TRIM45: variants seen among roughly 807,000 people sequenced by gnomAD.
TRIM45 encodes the protein tripartite motif containing 45.
A neutral mutation model predicts 46.7 loss-of-function variants in TRIM45; 45 were observed. The ratio of observed to expected loss-of-function variants is 0.96; its 90% CI spans 0.76 to 1.24. TRIM45 has a LOEUF of 1.24. Ranked by LOEUF, TRIM45 falls within the 50% of genes most tolerant of loss-of-function variation. TRIM45 has a pLI of 0.00. For synonymous variants in TRIM45, 259 were observed against 285.8 expected (o/e 0.91, Z 0.94); for missense variants, 680 against 728.4 (o/e 0.93, Z 0.77).
In TRIM45 at chr1:117,121,086, G is replaced by A; in HGVS notation, c.116C>T (p.Pro39Leu). Residue 39 changes from proline (P) to leucine (L), a missense_variant, in exon 1 of 6, where the codon CCC becomes CTC. This residue lies in a region of TRIM45 where 349 missense variants were observed against 343.6 expected (regional missense o/e 1.02). Coordinates refer to ENST00000256649, the MANE Select transcript of TRIM45 (RefSeq NM_025188.4). This position sits in a 1 kb window ranked among gnomAD's most constrained non-coding sequence, Gnocchi z 4.2. Reference sequence around the variant, plus strand: ...TGTATGCAAACAAGGCAAGAGCCTGGGGGCTTTGAAAAGCCCCAAGCACAG... The same window carrying A: ...TGTATGCAAACAAGGCAAGAGCCTGAGGGCTTTGAAAAGCCCCAAGCACAG... ...CPLCLGLFKA[P>L]RLLPCLHTVC... The A allele has an allele frequency of 6.2e-7, 1 of 1,613,986 alleles. No individual in the cohort carries two copies. The highest frequency in any genetic ancestry group is 1.1e-5 in the South Asian group (1 of 91,074).
upstream of TRIM45, among the ~76,000 whole-genome samples, chr1:117,123,895 C>T (rs1011558933): frequency 1.3e-5 from 2 of 152,058 alleles, no homozygotes; most frequent in Admixed American, 6.5e-5. Flanking sequence ...CCTCCCAAAG[C>T]GCTGGGATTA....
In TRIM45 at chr1:117,117,678, G is replaced by A. The variant is rs975978642; in HGVS notation, c.1222+356C>T. Among the ~76,000 whole-genome samples, 1 of 152,144 alleles carries A rather than the reference G, an allele frequency of 6.6e-6. No individual in the cohort carries two copies. The highest frequency in any genetic ancestry group is 1.5e-5 in the Non-Finnish European group (1 of 68,030). Reference sequence around the variant, plus strand: ...GATCTAGGAATCCAGGGCCTGCCATGCTCCTCTCTGAGCAGGCAGAATTTC... The same window carrying A: ...GATCTAGGAATCCAGGGCCTGCCATACTCCTCTCTGAGCAGGCAGAATTTC... On this transcript the variant is annotated intron_variant, in intron 2 of 5. Transcript: ENST00000256649. This position sits in a 1 kb window ranked among gnomAD's most constrained non-coding sequence, Gnocchi z 4.9.
chr1:117,122,016 C>T (rs932183184), upstream of TRIM45: 10 of 546,460 alleles, frequency 1.8e-5, no homozygotes, highest in Non-Finnish European at 2.6e-5. Flanking sequence ...TAGTCAGCGT[C>T]ACCGTTTCAC....
chr1:117,120,303 T>C (rs1434711775), intron 1 of TRIM45, among the ~76,000 whole-genome samples: 1 of 152,216 alleles, frequency 6.6e-6, no homozygotes, highest in African/African-American at 2.4e-5. Flanking sequence ...ATTGCTGAGC[T>C]TGTTTCCCCA....
In TRIM45 at chr1:117,117,976, T is replaced by A. The variant is rs1334527889; in HGVS notation, c.1222+58A>T. On this transcript the variant is annotated intron_variant, in intron 2 of 5. Coordinates refer to ENST00000256649, the MANE Select transcript of TRIM45 (RefSeq NM_025188.4). The surrounding 1 kb of genome is among the most constrained non-coding windows in gnomAD (Gnocchi z 4.9). ...TCCTAGCAGAACAAGCCACCAATCT[T>A]CACACACCACCTCCCTGTCCACTGC... The A allele has an allele frequency of 5.1e-6, 8 of 1,566,030 alleles. No homozygotes were observed. Among genetic ancestry groups the A allele is most frequent in the Non-Finnish European group, 6.9e-6 (8 of 1,156,072 alleles).
chr1:117,120,905 A>C lies in TRIM45; in HGVS notation c.297T>G (p.Ala99=), dbSNP rs777530579. The C allele has an allele frequency of 6.2e-7, 1 of 1,614,200 alleles. No homozygotes were observed. The highest frequency in any genetic ancestry group is 8.5e-7 in the Non-Finnish European group (1 of 1,180,028). ...CTCCACCCATGGGCAGGTCCACCTG[A>C]GCATCACATACAGGACAAAGGATGC... The part of the protein sequence containing the change: ...QIGILCPVCD[A]QVDLPMGGVK... The change falls in exon 1 of 6, where the codon GCT becomes GCG. Residue 99 remains alanine (A), a synonymous_variant. Transcript: ENST00000256649.
chr1:117,120,959 G>A lies in TRIM45; in HGVS notation c.243C>T (p.Leu81=). The A allele has an allele frequency of 1.9e-6, 3 of 1,614,204 alleles. No individual in the cohort carries two copies. The highest frequency in any genetic ancestry group is 2.5e-6 in the Non-Finnish European group (3 of 1,180,046). ...TCTGCGACTGCAGACTTCGTGGCTT[G>A]AGTTCCTGGAATATTGACCCCTCAG... ...TSSEGSIFQE[L]KPRSLQSQIG... Residue 81 remains leucine, a synonymous_variant, in exon 1 of 6, where the codon CTC becomes CTT. Transcript: ENST00000256649.
chr1:117,112,133 C>A lies in TRIM45; in HGVS notation c.*172G>T. The A allele has an allele frequency of 1.5e-6, 1 of 673,048 alleles. No homozygotes were observed. Among genetic ancestry groups the A allele is most frequent in the African/African-American group, 1.9e-5 (1 of 52,308 alleles). 41.7% of individuals were successfully genotyped at this position (673,048 alleles called of 1,614,324 possible). On this transcript the variant is annotated 3_prime_UTR_variant, in exon 6 of 6. Transcript: ENST00000256649. ...GTAGAGGTGGTTTTTTGTGCTCAAC[C>A]ATCCACAAGTACAATCAGTGAATAA...
intron 4 of TRIM45, among the ~76,000 whole-genome samples, chr1:117,114,284 T>C (rs540035041): frequency 4.1e-4 from 62 of 152,358 alleles, no homozygotes; most frequent in African/African-American, 1.5e-3. Flanking sequence ...ACTTTCGTTC[T>C]CTAATTTATA....
At position 117,113,540 on chromosome 1, in the gene TRIM45, G is replaced by C. The variant is rs1650299289; in HGVS notation, c.1468-55C>G. ...AGCATCTTACGAGTTAACAGGATGT[G>C]CTGCGCATCACTATGTGCTAAACAG... On this transcript the variant is annotated intron_variant, in intron 4 of 5. Coordinates refer to ENST00000256649, the MANE Select transcript of TRIM45 (RefSeq NM_025188.4). The surrounding 1 kb of genome is among the most constrained non-coding windows in gnomAD (Gnocchi z 4.0). 1 of 1,590,068 alleles carries C rather than the reference G, an allele frequency of 6.3e-7. No homozygotes were observed. The highest frequency in any genetic ancestry group is 2.2e-5 in the East Asian group (1 of 44,528).
At chr1:117,121,800 G>T (rs1398832632), upstream of TRIM45, 2 of 711,156 alleles carry the variant, frequency 2.8e-6, no homozygotes, top group East Asian at 5.5e-5. This position sits in a 1 kb window ranked among gnomAD's most constrained non-coding sequence, Gnocchi z 4.2. Context: ...TCCAATCACC[G>T]TCCGAGAGCG....
rs770957202 is a variant in TRIM45 at position 117,115,530 on chromosome 1, C to T, written c.1467+45G>A. On this transcript the variant is annotated intron_variant, in intron 4 of 5. Coordinates refer to ENST00000256649, the MANE Select transcript of TRIM45 (RefSeq NM_025188.4). This position sits in a 1 kb window ranked among gnomAD's most constrained non-coding sequence, Gnocchi z 4.2. ...TGTGAAATGTCTCCAGATCCTAAGA[C>T]AGTAGAATCCAGGGAGCTCAGGGAA... 7.5e-7 allele frequency: 1 copy of T among 1,325,816 alleles called. No individual in the cohort carries two copies. Among genetic ancestry groups the T allele is most frequent in the Non-Finnish European group, 1.1e-6 (1 of 917,496 alleles). 82.1% of individuals were successfully genotyped at this position (1,325,816 alleles called of 1,614,324 possible). A position where few individuals can be genotyped will look rare whatever the true frequency, so the allele number is the denominator to read the frequency against.
In TRIM45 at chr1:117,115,582, T is replaced by C. The variant is rs1408929817; in HGVS notation, c.1460A>G (p.His487Arg). The C allele has an allele frequency of 6.2e-7, 1 of 1,613,530 alleles. No homozygotes were observed. The highest frequency in any genetic ancestry group is 8.5e-7 in the Non-Finnish European group (1 of 1,179,438). Reference protein sequence around the residue: ...YTVWVCIKEQHVQGSPFTVMV... With the variant: ...YTVWVCIKEQRVQGSPFTVMV... ...CACGTGCACCAGTCTTACCTGCACA[T>C]GCTGTTCTTTGATGCAGACCCACAC... is the stretch of plus-strand genomic sequence containing the variant. The change falls in exon 4 of 6, where the codon CAT (histidine) becomes CGT (arginine). Residue 487 changes from histidine (H) to arginine (R), a missense_variant. Physicochemically the swap from His to Arg is conservative, Grantham distance 29. This residue lies in a region of TRIM45 where 322 missense variants were observed against 359.3 expected (regional missense o/e 0.90). Transcript: ENST00000256649. The surrounding 1 kb of genome is among the most constrained non-coding windows in gnomAD (Gnocchi z 4.2).
Position 117,112,316 on chromosome 1 carries a change from C to A in TRIM45, c.1732G>T (p.Val578Leu). 1 of 1,600,984 alleles carries A rather than the reference C, an allele frequency of 6.2e-7. No homozygotes were observed. The highest frequency in any genetic ancestry group is 8.5e-7 in the Non-Finnish European group (1 of 1,173,932). ...TGAGCACAAACCCATCAGAGAGCCA[C>A]AGTCCTAAGTAGACTCCTCGGTGCG... ...QSAPRSLLRT[V>L]AL The change falls in exon 6 of 6, where the codon GTG becomes TTG. Residue 578 changes from valine (V) to leucine (L), a missense_variant. By Grantham distance (32) the Val-to-Leu change is conservative (BLOSUM62 1). Coordinates refer to ENST00000256649, the MANE Select transcript of TRIM45 (RefSeq NM_025188.4).
Position 117,117,485 on chromosome 1 carries a change from T to A in TRIM45, c.1222+549A>T, listed in dbSNP as rs746737562. On this transcript the variant is annotated intron_variant, in intron 2 of 5. Coordinates refer to ENST00000256649, the MANE Select transcript of TRIM45 (RefSeq NM_025188.4). This position sits in a 1 kb window ranked among gnomAD's most constrained non-coding sequence, Gnocchi z 4.9. ...CATATGTTTTAATAATATGCTTCCA[T>A]TAGAAAGGGAACACTCGTTAAAAAA... 3.3e-5 allele frequency among the ~76,000 whole-genome samples: 5 copies of A among 152,184 alleles called. No individual in the cohort carries two copies. Among genetic ancestry groups the A allele is most frequent in the African/African-American group, 4.8e-5 (2 of 41,428 alleles).
rs1650281620 is a variant in TRIM45 at position 117,113,136 on chromosome 1, C to T, written c.1594+223G>A. On this transcript the variant is annotated intron_variant, in intron 5 of 5. Transcript: ENST00000256649. The surrounding 1 kb of genome is among the most constrained non-coding windows in gnomAD (Gnocchi z 4.0). ...AAGCACAGGGCTCATAGGAGCTGTA[C>T]CAAAACTAACAGAACTGAGAGCTTT... is the stretch of plus-strand genomic sequence containing the variant. Among the ~76,000 whole-genome samples, 1 of 152,186 alleles carries T rather than the reference C, an allele frequency of 6.6e-6. No homozygotes were observed. Among genetic ancestry groups the T allele is most frequent in the South Asian group, 2.1e-4 (1 of 4,826 alleles).
At position 117,113,564 on chromosome 1, in the gene TRIM45, A is replaced by G; in HGVS notation, c.1468-79T>C. ...TGCTGCGCATCACTATGTGCTAAAC[A>G]GAGTCTGAGGCACAGGGCCTGTCCT... On this transcript the variant is annotated intron_variant, in intron 4 of 5. Transcript: ENST00000256649. This position sits in a 1 kb window ranked among gnomAD's most constrained non-coding sequence, Gnocchi z 4.0. 1 of 1,537,038 alleles carries G rather than the reference A, an allele frequency of 6.5e-7. No individual in the cohort carries two copies. The highest frequency in any genetic ancestry group is 8.8e-7 in the Non-Finnish European group (1 of 1,137,018).
upstream of TRIM45, chr1:117,122,293 C>CT (rs1207410898): frequency 6.4e-6 from 1 of 155,112 alleles, no homozygotes; most frequent in Non-Finnish European, 1.4e-5. Context: ...CCCCTCTGTC[C>CT]TCAGGCGCTT....
rs767716205 is a variant in TRIM45, at chr1:117,115,701, TAA to T, written c.1353-14_1353-13del. The stretch of plus-strand genomic sequence containing the variant: ...TTGTTCTGACTGGGCTGAATGGAGA[TAA>T]GAGTCAAAACACCACTCACTTCCAC... On this transcript the variant is annotated splice_polypyrimidine_tract_variant and intron_variant, in intron 3 of 5. Transcript: ENST00000256649. This position sits in a 1 kb window ranked among gnomAD's most constrained non-coding sequence, Gnocchi z 4.2. 2 of 1,597,736 alleles carry T rather than the reference TAA, an allele frequency of 1.3e-6. No homozygotes were observed. Among genetic ancestry groups the T allele is most frequent in the East Asian group, 2.2e-5 (1 of 44,784 alleles).
Sources: gnomAD v4.1 joint callset for allele counts (sites outside exome capture counted in the v4.1 genomes callset) on GRCh38, gnomAD v4.1.1 for gene constraint, gnomAD v4.1.1 regional missense constraint, Gnocchi (gnomAD v3.1) non-coding constraint, MANE v1.5 for transcripts, NCBI Gene and HGNC (gene_info 2026-07-23, HGNC 2026-07-21) for gene names.